The following ITPR2 variants were observed in gnomAD, a reference collection of about 807,000 sequenced individuals.
The protein encoded by ITPR2 is inositol 1,4,5-trisphosphate-gated calcium channel ITPR2.
A neutral mutation model predicts 317.1 loss-of-function variants in ITPR2; 207 were observed. The observed-to-expected ratio is 0.65, with a 90% CI of 0.58 to 0.73. ITPR2 has a LOEUF of 0.73. ITPR2 is among the 30% of genes least tolerant of loss of function. The probability of loss-of-function intolerance (pLI) is 0.00; values close to 1 mark genes in which losing one functional copy is unlikely to be tolerated. For missense variants in ITPR2, 2,613 were observed against 3,284.0 expected, an observed-to-expected ratio of 0.80 and a Z score of 4.99; for synonymous variants, 1,156 against 1,149.1, an observed-to-expected ratio of 1.01 and a Z score of -0.12.
At chr12:26,509,958 TTGTGTGTGTGTG>T (rs56063133) in intron 37 of ITPR2, among the ~76,000 whole-genome samples, 601 of 53,258 alleles carry the variant, frequency 0.011, 8 homozygotes, top group Middle Eastern at 0.048. Context: ...GATAAGGGTT[TTGTGTGTGTGTG>T]TGTGTGTGTG....
intron 37 of ITPR2, among the ~76,000 whole-genome samples, chr12:26,525,826 A>G (rs1324127320): frequency 2.0e-5 from 3 of 152,184 alleles, no homozygotes; most frequent in African/African-American, 7.2e-5. Flanking sequence ...ACTGCTTAAT[A>G]TGATACTTCT....
intron 1 of ITPR2, among the ~76,000 whole-genome samples, chr12:26,797,369 C>T (rs1231315560): frequency 6.6e-6 from 1 of 152,120 alleles, no homozygotes; most frequent in African/African-American, 2.4e-5. Flanking sequence ...CCAACAACTA[C>T]AAAGAAAATG....
intron 2 of ITPR2, among the ~76,000 whole-genome samples, chr12:26,732,033 C>A (rs1949037023): frequency 6.6e-6 from 1 of 151,294 alleles, no homozygotes; most frequent in Admixed American, 6.6e-5. Flanking sequence ...CCCCACCTGC[C>A]TTGCCTAAGG....
At chr12:26,409,752 A>T (rs1310229750) in intron 52 of ITPR2, among the ~76,000 whole-genome samples, 1 of 152,202 alleles carries the variant, frequency 6.6e-6, no homozygotes, top group South Asian at 2.1e-4. Context: ...GCTTGACAGA[A>T]TCAGGATCCA....
chr12:26,772,463 AC>A (rs1174018731), intron 2 of ITPR2, among the ~76,000 whole-genome samples: 1 of 59,652 alleles, frequency 1.7e-5, no homozygotes, highest in Non-Finnish European at 3.3e-5. Flanking sequence ...TATATATAAT[AC>A]ATGTATTATA....
intron 54 of ITPR2, among the ~76,000 whole-genome samples, chr12:26,387,945 G>A (rs907447183): frequency 6.6e-6 from 1 of 152,012 alleles, no homozygotes; most frequent in Non-Finnish European, 1.5e-5. Context: ...GATCATGCAG[G>A]AAAAGGTATG....
chr12:26,468,285 T>A (rs1175408288), intron 45 of ITPR2, among the ~76,000 whole-genome samples: 2 of 152,058 alleles, frequency 1.3e-5, no homozygotes, highest in African/African-American at 4.8e-5. Flanking sequence ...ATAAGAAAAG[T>A]GCCTAGCAAG....
At chr12:26,455,202 G>A (rs1171541639) in intron 45 of ITPR2, among the ~76,000 whole-genome samples, 2 of 151,954 alleles carry the variant, frequency 1.3e-5, no homozygotes, top group South Asian at 2.1e-4. Flanking sequence ...GAAGCACTAC[G>A]AGATAATTTT....
At chr12:26,389,060 G>A (rs7977391) in intron 54 of ITPR2, among the ~76,000 whole-genome samples, 7,609 of 152,052 alleles carry the variant, frequency 0.05, 234 homozygotes, top group Non-Finnish European at 0.064. Context: ...CTTCTCACCC[G>A]CTCTGCTGCT....
At chr12:26,710,290 A>G (rs2137020527) in intron 9 of ITPR2, among the ~76,000 whole-genome samples, 1 of 152,338 alleles carries the variant, frequency 6.6e-6, no homozygotes, top group South Asian at 2.1e-4. Context: ...TTCTGCAAGC[A>G]CTTTGCCTAA....
intron 55 of ITPR2, among the ~76,000 whole-genome samples, chr12:26,356,110 GATT>G: frequency 6.6e-6 from 1 of 152,346 alleles, no homozygotes; most frequent in South Asian, 2.1e-4. Context: ...CTCTAAGTTA[GATT>G]ATAGCTTTGC....
chr12:26,665,625 G>A (rs1018034873), intron 14 of ITPR2, among the ~76,000 whole-genome samples: 2 of 152,170 alleles, frequency 1.3e-5, no homozygotes, highest in African/African-American at 2.4e-5. Context: ...ATGCCTATGT[G>A]AGAGGGCTGG....
chr12:26,788,913 A>G (rs1025753213), intron 2 of ITPR2, among the ~76,000 whole-genome samples: 9 of 152,102 alleles, frequency 5.9e-5, no homozygotes, highest in African/African-American at 1.9e-4. Flanking sequence ...CTACCCTCTT[A>G]TCTTTTGGGT....
At chr12:26,700,784 G>C (rs1948431124) in intron 9 of ITPR2, among the ~76,000 whole-genome samples, 1 of 152,168 alleles carries the variant, frequency 6.6e-6, no homozygotes, top group African/African-American at 2.4e-5. Flanking sequence ...GAGGTGGGTG[G>C]ACCCAAATGA....
At chr12:26,552,056 G>A (rs187492235) in intron 36 of ITPR2, among the ~76,000 whole-genome samples, 13 of 152,308 alleles carry the variant, frequency 8.5e-5, no homozygotes, top group Admixed American at 2.0e-4. Flanking sequence ...GGTTGGGTGA[G>A]GACGTACGAA....
chr12:26,778,778 C>T (rs1565757188), intron 2 of ITPR2, among the ~76,000 whole-genome samples: 1 of 152,194 alleles, frequency 6.6e-6, no homozygotes. Flanking sequence ...GAGACATTTG[C>T]GTGCCAGAGA....
intron 37 of ITPR2, among the ~76,000 whole-genome samples, chr12:26,531,737 G>T (rs780131598): frequency 5.9e-5 from 9 of 151,854 alleles, no homozygotes; most frequent in Non-Finnish European, 8.8e-5. Context: ...AGTCAGTGAA[G>T]TACCCCACCA....
intron 6 of ITPR2, 120 bp from the exon 7 acceptor site, chr12:26,715,955 A>C (rs1266684711): frequency 7.8e-6 from 6 of 773,946 alleles, no homozygotes; most frequent in Non-Finnish European, 1.1e-5. Flanking sequence ...TATATAGCTC[A>C]ATACAAGTAT....
intron 34 of ITPR2, among the ~76,000 whole-genome samples, chr12:26,577,235 G>A (rs1311062878): frequency 1.3e-5 from 2 of 152,222 alleles, no homozygotes; most frequent in African/African-American, 4.8e-5. Context: ...TCCATAGGAG[G>A]GTAGCAGAGG....
Sources: allele counts gnomAD v4.1 joint callset (sites outside exome capture counted in the v4.1 genomes callset), GRCh38; gene constraint gnomAD v4.1.1; transcripts MANE v1.5; gene names NCBI Gene and HGNC (gene_info 2026-07-23, HGNC 2026-07-21).